Variants in DLG2 observed in about 807,000 individuals in gnomAD.
DLG2 encodes discs large MAGUK scaffold protein 2, also known as disks large homolog 2.
A neutral mutation model predicts 132.5 loss-of-function variants in DLG2; 45 were observed. The observed-to-expected ratio is 0.34, with a 90% CI of 0.27 to 0.44. The LOEUF is 0.44. Ranked by LOEUF, DLG2 falls within the 20% of genes least tolerant of loss-of-function variation. The probability of loss-of-function intolerance (pLI) is 1.00; values close to 1 mark genes in which losing one functional copy is unlikely to be tolerated. For synonymous variants in DLG2, 424 were observed against 419.6 expected (o/e 1.01, Z -0.13); for missense variants, 1,045 against 1,196.9 (o/e 0.87, Z 1.87).
intron 19 of DLG2, among the ~76,000 whole-genome samples, chr11:83,602,261 A>G (rs1457431874): frequency 6.6e-6 from 1 of 152,242 alleles, no homozygotes; most frequent in Non-Finnish European, 1.5e-5. Context: ...GGGTCCTTAC[A>G]AAACACTTAA....
At chr11:84,295,808 T>C (rs1436553151) in intron 7 of DLG2, among the ~76,000 whole-genome samples, 1 of 152,208 alleles carries the variant, frequency 6.6e-6, no homozygotes, top group South Asian at 2.1e-4. Flanking sequence ...GCCACTATAA[T>C]ATTTCTGCTG....
At chr11:84,579,581 A>G (rs2099511604) in intron 6 of DLG2, among the ~76,000 whole-genome samples, 1 of 152,206 alleles carries the variant, frequency 6.6e-6, no homozygotes, top group Non-Finnish European at 1.5e-5. Flanking sequence ...GATGTTAAGT[A>G]TATGTTGCTA....
intron 18 of DLG2, among the ~76,000 whole-genome samples, chr11:83,718,532 G>GAAAAAAAAAA (rs57237354): frequency 1.2e-4 from 13 of 106,236 alleles, no homozygotes; most frequent in African/African-American, 3.3e-4. Context: ...CTCAAAAAAA[G>GAAAAAAAAAA]AAAAAAAAAA....
At chr11:85,372,664 T>C (rs545189065) in intron 3 of DLG2, among the ~76,000 whole-genome samples, 3 of 152,356 alleles carry the variant, frequency 2.0e-5, no homozygotes, top group East Asian at 3.9e-4. Flanking sequence ...CTAAGGCTAC[T>C]AAGACTAGGT....
chr11:83,725,777 T>G (rs1378854798), intron 18 of DLG2, among the ~76,000 whole-genome samples: 1 of 152,228 alleles, frequency 6.6e-6, no homozygotes, highest in Non-Finnish European at 1.5e-5. Context: ...TATATATGCA[T>G]TTGAAGCCAA....
intron 8 of DLG2, among the ~76,000 whole-genome samples, chr11:84,243,199 C>T (rs189708780): frequency 6.6e-6 from 1 of 152,210 alleles, no homozygotes; most frequent in Admixed American, 6.5e-5. Context: ...TTGTTTAATA[C>T]AATACCCATT....
chr11:84,599,203 C>A (rs1394611528), intron 6 of DLG2, among the ~76,000 whole-genome samples: 2 of 152,044 alleles, frequency 1.3e-5, no homozygotes, highest in Non-Finnish European at 1.5e-5. Flanking sequence ...CAAGATCATG[C>A]CATTGCACAG....
In DLG2 at chr11:84,256,720, C is replaced by A. The variant is rs898306994; in HGVS notation, c.520-5429G>T. 2.6e-5 allele frequency among the ~76,000 whole-genome samples: 4 copies of A among 152,072 alleles called. No homozygotes were observed. The East Asian group carries it at 7.7e-4, about 29-fold the overall frequency. ...TCTTGTCTATTTAGAGGGACACAGG[C>A]CCTATAAATGACTTTTATATATGGT... is the stretch of plus-strand genomic sequence containing the variant. On this transcript the variant is annotated intron_variant, in intron 7 of 27. Transcript: ENST00000376104.
chr11:84,856,390 A>G (rs764607183), intron 6 of DLG2, among the ~76,000 whole-genome samples: 7 of 152,038 alleles, frequency 4.6e-5, no homozygotes, highest in Non-Finnish European at 1.0e-4. Context: ...CCCTTCAGCC[A>G]CCAGCTTCAC....
intron 17 of DLG2, chr11:83,790,038 TTCTGGTATACTGACATAAA>T (rs2041117993): frequency 7.3e-7 from 1 of 1,375,506 alleles, no homozygotes; most frequent in Non-Finnish European, 9.6e-7. Context: ...ATTAAGTCTA[TTCTGGTATACTGACATAAA>T]ACAAAATGAC....
chr11:83,945,162 G>A (rs2083524734), intron 14 of DLG2, among the ~76,000 whole-genome samples: 2 of 152,154 alleles, frequency 1.3e-5, no homozygotes, highest in African/African-American at 4.8e-5. Flanking sequence ...TATAATCCCA[G>A]CCACTCAGGA....
At chr11:83,786,897 C>T (rs929150288) in intron 17 of DLG2, 105 bp from the exon 18 acceptor site, 4 of 797,012 alleles carry the variant, frequency 5.0e-6, no homozygotes, top group Non-Finnish European at 8.2e-6. Flanking sequence ...ATATCACATG[C>T]CTCAGAAACC....
In DLG2 at chr11:83,894,017, G is replaced by C. The variant is rs970694128; in HGVS notation, c.1497-19529C>G. On this transcript the variant is annotated intron_variant, in intron 15 of 27. Transcript: ENST00000376104. ...TCTCCCACCTCCAAACTTTATCAAG[G>C]CATATCCTCATTCATCCTTATTTAG... 2.0e-5 allele frequency among the ~76,000 whole-genome samples: 3 copies of C among 152,232 alleles called. No individual in the cohort carries two copies. The South Asian group carries it at 6.2e-4, about 32-fold the overall frequency.
At chr11:83,541,333 T>C (rs187824352) in intron 20 of DLG2, among the ~76,000 whole-genome samples, 1 of 152,298 alleles carries the variant, frequency 6.6e-6, no homozygotes, top group Non-Finnish European at 1.5e-5. Context: ...CATTGGTAAA[T>C]GTTGAAACTC....
At chr11:84,165,770 T>A (rs180865748) in intron 8 of DLG2, among the ~76,000 whole-genome samples, 241 of 152,102 alleles carry the variant, frequency 1.6e-3, no homozygotes, top group Non-Finnish European at 2.5e-3. Flanking sequence ...TAGTGACAGG[T>A]GCCTGTAGTC....
intron 7 of DLG2, among the ~76,000 whole-genome samples, chr11:84,351,652 T>C (rs1467748794): frequency 1.3e-5 from 2 of 152,208 alleles, no homozygotes; most frequent in African/African-American, 4.8e-5. Context: ...CTGGTCCCTT[T>C]ATTGTCCTTT....
At chr11:84,346,907 G>C (rs1466715537) in intron 7 of DLG2, among the ~76,000 whole-genome samples, 1 of 152,056 alleles carries the variant, frequency 6.6e-6, no homozygotes, top group Non-Finnish European at 1.5e-5. Context: ...TGTAAAGTAA[G>C]TATGTTGCAT....
chr11:85,301,157 C>T (rs1186164974), intron 3 of DLG2, among the ~76,000 whole-genome samples: 1 of 152,106 alleles, frequency 6.6e-6, no homozygotes, highest in East Asian at 1.9e-4. Context: ...GCCAAGATCA[C>T]ACCACTGCAC....
chr11:84,835,956 T>A (rs2079705820), intron 6 of DLG2, among the ~76,000 whole-genome samples: 1 of 151,746 alleles, frequency 6.6e-6, no homozygotes, highest in African/African-American at 2.4e-5. Flanking sequence ...TCATCTTTTT[T>A]ACTAAAATAA....
Sources: gnomAD v4.1 joint callset for allele counts (sites outside exome capture counted in the v4.1 genomes callset) on GRCh38, gnomAD v4.1.1 for gene constraint, MANE v1.5 for transcripts, NCBI Gene and HGNC (gene_info 2026-07-23, HGNC 2026-07-21) for gene names.